The following GTF3C5 variants were observed in gnomAD, a reference collection of about 807,000 sequenced individuals.
GTF3C5 encodes the protein general transcription factor IIIC subunit 5.
A neutral mutation model predicts 61.0 loss-of-function variants in GTF3C5; 47 were observed. That is an observed-to-expected ratio of 0.77 (90% CI 0.61 to 0.98). The LOEUF is 0.98. Ranked by LOEUF, GTF3C5 falls within the 50% of genes least tolerant of loss-of-function variation. The pLI is 0.00. For missense variants in GTF3C5, 659 were observed against 703.3 expected, an observed-to-expected ratio of 0.94 and a Z score of 0.71; for synonymous variants, 295 against 275.4, an observed-to-expected ratio of 1.07 and a Z score of -0.71.
At chr9:133,031,609 C>T (rs1588458926) in intron 1 of GTF3C5, among the ~76,000 whole-genome samples, 1 of 152,198 alleles carries the variant, frequency 6.6e-6, no homozygotes, top group East Asian at 1.9e-4. Flanking sequence ...AATCAGCACT[C>T]TGGCAAACAG....
chr9:133,031,227 C>T, intron 1 of GTF3C5, 63 bp downstream of exon 1: 5 of 1,415,696 alleles, frequency 3.5e-6, no homozygotes, highest in Middle Eastern at 2.1e-4. Context: ...AACGAGCACT[C>T]AAAGGATTTC....
Position 133,036,437 on chromosome 9 carries a change from G to T in GTF3C5, c.153+5273G>T, listed in dbSNP as rs376687443. Among the ~76,000 whole-genome samples, 94 of 152,210 alleles carry T rather than the reference G, an allele frequency of 6.2e-4. 3 individuals are homozygous for T. The South Asian group carries it at 0.018, about 30-fold the overall frequency. The stretch of plus-strand genomic sequence containing the variant: ...TTCTTCAGTTAACAAAGCCGTAGCC[G>T]CAATGGATTGAATACATTCAAGCCA... On this transcript the variant is annotated intron_variant, in intron 1 of 10. Transcript: ENST00000372097.
chr9:133,033,292 ACTT>A (rs1315453275), intron 1 of GTF3C5, among the ~76,000 whole-genome samples: 5 of 152,132 alleles, frequency 3.3e-5, no homozygotes, highest in African/African-American at 4.8e-5. Context: ...TCTTGTTTTT[ACTT>A]CTTCTGGTTG....
chr9:133,033,587 G>A (rs1013688738), intron 1 of GTF3C5, among the ~76,000 whole-genome samples: 6 of 152,178 alleles, frequency 3.9e-5, no homozygotes, highest in African/African-American at 1.2e-4. Context: ...CTGACCCGCA[G>A]GGTGTTGAAC....
At chr9:133,043,999 A>T in intron 3 of GTF3C5, 73 bp downstream of exon 3, 1 of 1,112,546 alleles carries the variant, frequency 9.0e-7, no homozygotes, top group African/African-American at 1.5e-5. Flanking sequence ...AGGCTCACAC[A>T]CTGGGCGTGG....
Position 133,050,793 on chromosome 9 carries a change from A to G in GTF3C5, c.583A>G (p.Asn195Asp), listed in dbSNP as rs774262770. 1.2e-6 allele frequency: 2 copies of G among 1,612,970 alleles called. No homozygotes were observed. Among genetic ancestry groups the G allele is most frequent in the Admixed American group, 3.3e-5 (2 of 59,852 alleles). The change falls in exon 4 of 11, where the codon AAC (asparagine) becomes GAC (aspartate). Residue 195 changes from asparagine (N) to aspartate (D), a missense_variant. Physicochemically the swap from Asn to Asp is conservative, Grantham distance 23. Transcript: ENST00000372097. ...ACTCTCTGCCCCCAGGGAAGGCTAC[A>G]ACAATCCCCCCATCTCAGGTGAGAA... ...RPETQHREGY[N>D]NPPISGENLI... is the part of the protein sequence containing the mutation.
chr9:133,054,377 GC>G, intron 6 of GTF3C5, 30 bp from the exon 7 acceptor site: 1 of 1,584,556 alleles, frequency 6.3e-7, no homozygotes, highest in East Asian at 2.2e-5. Flanking sequence ...CCCTGTGCCC[GC>G]CCACCTGACT....
chr9:133,045,164 T>G (rs1335460949), intron 3 of GTF3C5, among the ~76,000 whole-genome samples: 1 of 152,232 alleles, frequency 6.6e-6, no homozygotes, highest in African/African-American at 2.4e-5. Flanking sequence ...AGTATCCAAC[T>G]GGGGATGAAT....
chr9:133,055,005 G>T, intron 8 of GTF3C5, 196 bp downstream of exon 8: 1 of 1,551,718 alleles, frequency 6.4e-7, no homozygotes, highest in Non-Finnish European at 8.7e-7. Flanking sequence ...GTGTGTGTTG[G>T]GGACATCTGG....
intron 3 of GTF3C5, among the ~76,000 whole-genome samples, chr9:133,044,690 G>T (rs1850150061): frequency 6.6e-6 from 1 of 152,094 alleles, no homozygotes; most frequent in South Asian, 2.1e-4. Context: ...CCCTGACCCT[G>T]CCCATCGCCC....
intron 4 of GTF3C5, among the ~76,000 whole-genome samples, chr9:133,051,441 C>T (rs1172206732): frequency 6.6e-6 from 1 of 151,990 alleles, no homozygotes; most frequent in East Asian, 1.9e-4. Flanking sequence ...AGGCCACTGC[C>T]ACCTGGAGCC....
At chr9:133,055,346 G>A (rs2119035785) in intron 8 of GTF3C5, 1 of 1,346,074 alleles carries the variant, frequency 7.4e-7, no homozygotes, top group African/African-American at 1.5e-5. Flanking sequence ...GGAATCACCT[G>A]CTGAGGGAGT....
chr9:133,040,584 T>C (rs1411265014), intron 1 of GTF3C5, among the ~76,000 whole-genome samples: 1 of 152,252 alleles, frequency 6.6e-6, no homozygotes, highest in East Asian at 1.9e-4. Context: ...TTCAGTTTCA[T>C]GTGCTTGGAA....
intron 1 of GTF3C5, 127 bp from the exon 2 acceptor site, chr9:133,041,960 C>A: frequency 1.5e-6 from 1 of 650,582 alleles, no homozygotes; most frequent in Non-Finnish European, 2.7e-6. Flanking sequence ...ATTAAGGGCC[C>A]AGAATGAAAC....
intron 1 of GTF3C5, among the ~76,000 whole-genome samples, chr9:133,039,970 G>T (rs1480659040): frequency 6.6e-6 from 1 of 152,152 alleles, no homozygotes; most frequent in African/African-American, 2.4e-5. Context: ...ATATGGAAAA[G>T]CCCTGAATTC....
In GTF3C5 at chr9:133,054,775, C is replaced by T; in HGVS notation, c.1133C>T (p.Ala378Val). Residue 378 changes from alanine to valine, a missense_variant, in exon 8 of 11, where the codon GCT becomes GTT. Transcript: ENST00000372097. ...QGLGPSGTSGARKPASSKYKL... is the reference protein window; with the variant it reads ...QGLGPSGTSGVRKPASSKYKL... ...CTGGGCCCGTCGGGGACGAGTGGTG[C>T]TCGGAAACCAGCTTCCAGCAAGTAC... The T allele has an allele frequency of 1.3e-6, 2 of 1,583,246 alleles. No individual in the cohort carries two copies. The highest frequency in any genetic ancestry group is 1.7e-6 in the Non-Finnish European group (2 of 1,165,142).
chr9:133,052,603 A>T (rs11792806), intron 5 of GTF3C5, among the ~76,000 whole-genome samples: 2,773 of 151,910 alleles, frequency 0.018, 49 homozygotes, highest in Middle Eastern at 0.031. Flanking sequence ...TTTGATCCAC[A>T]AGCATGTAAA....
At chr9:133,056,712 CT>C in intron 9 of GTF3C5, 53 bp from the exon 10 acceptor site, 1 of 1,523,366 alleles carries the variant, frequency 6.6e-7, no homozygotes, top group Non-Finnish European at 8.8e-7. Context: ...ACTGGCATCT[CT>C]TAGCAGAGAC....
chr9:133,031,139 TG>T lies in GTF3C5; in HGVS notation c.131del (p.Gly44AlafsTer161), dbSNP rs769256079. 3 of 1,588,010 alleles carry T rather than the reference TG, an allele frequency of 1.9e-6. No homozygotes were observed. The Admixed American group carries it at 5.3e-5, about 28-fold the overall frequency. On this transcript the variant is annotated frameshift_variant, in exon 1 of 11. Coordinates refer to ENST00000372097, the MANE Select transcript of GTF3C5 (RefSeq NM_012087.4). LOFTEE classifies it high-confidence loss of function. ...GATGTGGCTAAGATGCTGCCGACTC[TG>T]GGCGGCGAGGAAGGCGTCTCCCGGG... The part of the protein sequence containing the change: ...VRDVAKMLPT[L>X]GGEEGVSRIY...
Sources: gnomAD v4.1 joint callset for allele counts (sites outside exome capture counted in the v4.1 genomes callset) on GRCh38, gnomAD v4.1.1 for gene constraint, MANE v1.5 for transcripts, NCBI Gene and HGNC (gene_info 2026-07-23, HGNC 2026-07-21) for gene names.